COG6: variants seen among roughly 807,000 people sequenced by gnomAD.
COG6 encodes component of oligomeric golgi complex 6.
Under a neutral mutation model 88.8 loss-of-function variants are expected in COG6, and 74 were observed. The observed-to-expected ratio is 0.83, with a 90% CI of 0.69 to 1.01. COG6 has a LOEUF of 1.01. Ranked by LOEUF, COG6 falls within the 50% of genes least tolerant of loss-of-function variation. The probability of loss-of-function intolerance (pLI) is 0.00; values close to 1 mark genes in which losing one functional copy is unlikely to be tolerated. For synonymous variants in COG6, 286 were observed against 278.7 expected, an observed-to-expected ratio of 1.03 and a Z score of -0.26; for missense variants, 800 against 797.9, an observed-to-expected ratio of 1.00 and a Z score of -0.03.
chr13:39,733,311 C>T (rs963444419), intron 18 of COG6, among the ~76,000 whole-genome samples: 2 of 151,538 alleles, frequency 1.3e-5, no homozygotes, highest in African/African-American at 4.9e-5. Flanking sequence ...CTGCCTCGGC[C>T]TCCTGAGTAG....
intron 18 of COG6, among the ~76,000 whole-genome samples, chr13:39,737,970 C>CT (rs1194251804): frequency 6.6e-6 from 1 of 152,140 alleles, no homozygotes; most frequent in Non-Finnish European, 1.5e-5. Flanking sequence ...CACAATCACT[C>CT]TTTTTTCTCC....
chr13:39,755,601 A>G (rs957877204), downstream of COG6, among the ~76,000 whole-genome samples: 4 of 152,362 alleles, frequency 2.6e-5, no homozygotes, highest in South Asian at 8.3e-4. Flanking sequence ...CTGGGAATCT[A>G]GAAGGCTCTG....
At chr13:39,785,958 A>G (rs1332280074) in intron 18 of COG6, among the ~76,000 whole-genome samples, 2 of 152,160 alleles carry the variant, frequency 1.3e-5, no homozygotes, top group East Asian at 1.9e-4. Flanking sequence ...ATGCCCTGGG[A>G]TACAAATGTG....
chr13:39,684,516 C>T (rs1423940014), intron 8 of COG6, among the ~76,000 whole-genome samples: 1 of 151,982 alleles, frequency 6.6e-6, no homozygotes, highest in Non-Finnish European at 1.5e-5. Context: ...TCCCAAAGTG[C>T]TGGGATTACA....
rs543438044 is a variant in COG6 at position 39,677,371 on chromosome 13, T to C, written c.429-97T>C. On this transcript the variant is annotated intron_variant, in intron 4 of 18. Transcript: ENST00000455146. ...AAATATTGAGAACTTTTCATACCTT[T>C]GTTTTAAAAATTTATTATGTCTGAG... 1.6e-4 allele frequency: 116 copies of C among 747,010 alleles called. 1 individual carries two copies. In the African/African-American group the frequency reaches 1.9e-3, roughly 12 times the overall value. The allele number at this position is 747,010 out of a possible 1,614,324, so 46.3% of individuals were successfully genotyped here.
intron 4 of COG6, among the ~76,000 whole-genome samples, chr13:39,671,143 A>G (rs1018980099): frequency 2.6e-5 from 4 of 151,984 alleles, no homozygotes; most frequent in Non-Finnish European, 5.9e-5. Context: ...TCAGTCACAC[A>G]TATTGGACTG....
intron 13 of COG6, 91 bp from the exon 14 acceptor site, chr13:39,719,145 T>A: frequency 1.7e-6 from 2 of 1,172,722 alleles, no homozygotes; most frequent in East Asian, 2.8e-5. Context: ...GCTTTATAAC[T>A]TTTACATTTT....
Position 39,719,675 on chromosome 13 carries a change from T to C in COG6, c.1432T>C (p.Leu478=). Residue 478 remains leucine (L), a synonymous_variant, in exon 15 of 19, where the codon TTG becomes CTG. Coordinates refer to ENST00000455146, the MANE Select transcript of COG6 (RefSeq NM_020751.3). The part of the protein sequence containing the change: ...ADFVQVLSCV[L]DPLLQMCTVS... ...TCATTTGTAGGTTTTATCATGTGTC[T>C]TGGATCCTCTCCTACAGATGTGTAC... 6.2e-7 allele frequency: 1 copy of C among 1,612,680 alleles called. No individual in the cohort carries two copies. Among genetic ancestry groups the C allele is most frequent in the Non-Finnish European group, 8.5e-7 (1 of 1,178,972 alleles).
chr13:39,685,543 C>G (rs550705565), intron 8 of COG6, among the ~76,000 whole-genome samples: 56 of 152,218 alleles, frequency 3.7e-4, no homozygotes, highest in African/African-American at 1.3e-3. Flanking sequence ...CAGCTGTCGT[C>G]CCAGTGGACA....
chr13:39,722,503 C>T (rs1471511693), intron 15 of COG6, among the ~76,000 whole-genome samples: 1 of 149,910 alleles, frequency 6.7e-6, no homozygotes, highest in East Asian at 2.0e-4. Context: ...TAGATGGTAA[C>T]AGATACCATA....
rs147232857 is a variant in COG6 at position 39,699,645 on chromosome 13, A to G, written c.1284+27A>G. The G allele has an allele frequency of 1.8e-3, 1,807 of 980,814 alleles. 17 individuals carry two copies. In the African/African-American group the frequency reaches 0.025, roughly 13 times the overall value. 60.8% of individuals were successfully genotyped at this position (980,814 alleles called of 1,614,324 possible). ...TATGTTTGAAAAATGTAATTATTAAATTATGTGAATGTTTCACATTAAAGA... is the reference window on the plus strand; with the variant it reads ...TATGTTTGAAAAATGTAATTATTAAGTTATGTGAATGTTTCACATTAAAGA... On this transcript the variant is annotated intron_variant, in intron 13 of 18. Transcript: ENST00000455146.
intron 13 of COG6, among the ~76,000 whole-genome samples, chr13:39,713,886 C>A (rs1161772703): frequency 6.6e-6 from 1 of 152,172 alleles, no homozygotes; most frequent in East Asian, 1.9e-4. Context: ...TTTATAGTCA[C>A]AAAGTTTGTT....
intron 4 of COG6, among the ~76,000 whole-genome samples, chr13:39,674,791 A>G (rs1875861143): frequency 6.6e-6 from 1 of 152,152 alleles, no homozygotes. Context: ...GTGATGCTAT[A>G]TACACCACCA....
At position 39,761,949 on chromosome 13, in the gene COG6, A is replaced by G. The variant is rs372268392; in HGVS notation, c.1827-26386A>G. The stretch of plus-strand genomic sequence containing the variant: ...TAGTCCAGCCACTATGGAAAACAGT[A>G]TAGAGATTCCTCTAAAAACTAAAAA... On this transcript the variant is annotated intron_variant, in intron 18 of 18. Transcript: ENST00000416691. 1.6e-4 allele frequency among the ~76,000 whole-genome samples: 25 copies of G among 152,060 alleles called. No homozygotes were observed. The South Asian group carries it at 5.0e-3, about 30-fold the overall frequency.
intron 18 of COG6, among the ~76,000 whole-genome samples, chr13:39,787,761 A>G (rs1881819109): frequency 6.6e-6 from 1 of 152,218 alleles, no homozygotes; most frequent in Admixed American, 6.5e-5. Context: ...ACATTTTTTA[A>G]AATACAGCAT....
chr13:39,684,338 C>G lies in COG6; in HGVS notation c.788+2074C>G, dbSNP rs185538046. On this transcript the variant is annotated intron_variant, in intron 8 of 18. Transcript: ENST00000455146. Reference sequence around the variant, plus strand: ...ATCTCGGCTCACTGCAGGCTCCGCCCCCTGGGGTTCACGCCATTCTCCTGC... The same window carrying G: ...ATCTCGGCTCACTGCAGGCTCCGCCGCCTGGGGTTCACGCCATTCTCCTGC... 2.0e-4 allele frequency among the ~76,000 whole-genome samples: 28 copies of G among 141,950 alleles called. 1 individual carries two copies. The highest frequency in any genetic ancestry group is 6.7e-4 in the African/African-American group (26 of 38,606). 93.1% of individuals were successfully genotyped at this position (141,950 alleles called of 152,430 possible).
Position 39,677,492 on chromosome 13 carries a change from A to G in COG6, c.453A>G (p.Gln151=). ...GCCAAAAATTAGAGATAAGAGCTCA[A>G]GTTGCAGATGCCTTCTTATCCAAGT... ...SESQKLEIRA[Q]VADAFLSKFQ... The change falls in exon 5 of 19, where the codon CAA becomes CAG. Residue 151 remains glutamine (Q), a synonymous_variant. Coordinates refer to ENST00000455146, the MANE Select transcript of COG6 (RefSeq NM_020751.3). 1 of 1,612,160 alleles carries G rather than the reference A, an allele frequency of 6.2e-7. No individual in the cohort carries two copies. Among genetic ancestry groups the G allele is most frequent in the Non-Finnish European group, 8.5e-7 (1 of 1,178,398 alleles).
chr13:39,750,503 T>C (rs1003087865), intron 18 of COG6, among the ~76,000 whole-genome samples: 1 of 152,188 alleles, frequency 6.6e-6, no homozygotes, highest in Non-Finnish European at 1.5e-5. Flanking sequence ...AGCTGTAAGG[T>C]GAAAGAGCAG....
Position 39,664,954 on chromosome 13 carries a change from C to T in COG6, c.370-142C>T, listed in dbSNP as rs1368574022. The stretch of plus-strand genomic sequence containing the variant: ...CAGTGGATGAGCCTTGAAACATCTA[C>T]GTATTTCATTTTATTGTGCTTTTGA... On this transcript the variant is annotated intron_variant, in intron 3 of 18. Coordinates refer to ENST00000455146, the MANE Select transcript of COG6 (RefSeq NM_020751.3). The T allele has an allele frequency of 3.6e-5, 22 of 618,900 alleles. 1 individual carries two copies. Among genetic ancestry groups the T allele is most frequent in the South Asian group, 2.4e-4 (12 of 49,144 alleles). 38.3% of individuals were successfully genotyped at this position (618,900 alleles called of 1,614,324 possible). A position where few individuals can be genotyped will look rare whatever the true frequency, so the allele number is the denominator to read the frequency against.
Sources: allele counts gnomAD v4.1 joint callset (sites outside exome capture counted in the v4.1 genomes callset), GRCh38; gene constraint gnomAD v4.1.1; transcripts MANE v1.5; gene names NCBI Gene and HGNC (gene_info 2026-07-23, HGNC 2026-07-21).